Variants in NAALADL2 observed in about 807,000 individuals in gnomAD.
NAALADL2 encodes the protein inactive N-acetylated-alpha-linked acidic dipeptidase-like protein 2.
In NAALADL2, 76 loss-of-function variants were observed where a neutral mutation model predicts 87.2. That is an observed-to-expected ratio of 0.87 (90% CI 0.72 to 1.05). NAALADL2 has a LOEUF of 1.05. Ranked by LOEUF, NAALADL2 falls within the 50% of genes least tolerant of loss-of-function variation. NAALADL2 has a pLI of 0.00. For synonymous variants in NAALADL2, 354 were observed against 331.0 expected (o/e 1.07, Z -0.75); for missense variants, 1,089 against 945.8 (o/e 1.15, Z -1.99).
chr3:175,108,840 A>G (rs1024582671), intron 2 of NAALADL2, among the ~76,000 whole-genome samples: 1 of 151,824 alleles, frequency 6.6e-6, no homozygotes. Context: ...ATTCTATTCC[A>G]TTGGGACAGC....
intron 2 of NAALADL2, among the ~76,000 whole-genome samples, chr3:175,155,318 T>C (rs552044265): frequency 6.6e-6 from 1 of 152,284 alleles, no homozygotes; most frequent in South Asian, 2.1e-4. Context: ...GTGTAACAGC[T>C]GTAGCAGTTG....
intron 3 of NAALADL2, among the ~76,000 whole-genome samples, chr3:175,236,344 G>C (rs1419454474): frequency 6.6e-6 from 1 of 151,836 alleles, no homozygotes; most frequent in Non-Finnish European, 1.5e-5. Context: ...TTAGGAGTTC[G>C]AGACTAGCCT....
chr3:174,900,589 A>T (rs1732186774), intron 1 of NAALADL2, among the ~76,000 whole-genome samples: 1 of 151,998 alleles, frequency 6.6e-6, no homozygotes, highest in South Asian at 2.1e-4. Flanking sequence ...TAATTCATAA[A>T]TAAGCTTTTA....
intron 4 of NAALADL2, among the ~76,000 whole-genome samples, chr3:175,281,671 T>A (rs1754328787): frequency 6.6e-6 from 1 of 151,960 alleles, no homozygotes; most frequent in Non-Finnish European, 1.5e-5. Flanking sequence ...TGCGATTAAA[T>A]TTTTTTCTAG....
At chr3:174,870,182 A>G (rs537129570) in intron 1 of NAALADL2, among the ~76,000 whole-genome samples, 29 of 152,172 alleles carry the variant, frequency 1.9e-4, no homozygotes, top group Non-Finnish European at 3.4e-4. Context: ...TTTATTCTCC[A>G]TTGTGTGATA....
chr3:174,880,822 C>G (rs897634279), intron 1 of NAALADL2, among the ~76,000 whole-genome samples: 1 of 152,078 alleles, frequency 6.6e-6, no homozygotes, highest in Non-Finnish European at 1.5e-5. Context: ...TTCTGAAGGG[C>G]AGAAATCTGA....
At chr3:174,857,739 C>T (rs575488873), upstream of NAALADL2, among the ~76,000 whole-genome samples, 38 of 152,156 alleles carry the variant, frequency 2.5e-4, no homozygotes, top group African/African-American at 9.2e-4. Context: ...GAGCAAACCA[C>T]AACCCAGATT....
Position 174,555,726 on chromosome 3 carries a change from A to G in NAALADL2, c.-115+5089A>G, listed in dbSNP as rs551279870. On this transcript the variant is annotated intron_variant, in intron 2 of 3. Coordinates refer to the NAALADL2 transcript ENST00000434257. ...TGTTCAGATTCTTCTTGGCCTTTCT[A>G]TAAGCCATTCCATCCTTCTGGGTAT... Among the ~76,000 whole-genome samples, 40 of 152,302 alleles carry G rather than the reference A, an allele frequency of 2.6e-4. 1 individual carries two copies. Among genetic ancestry groups the G allele is most frequent in the African/African-American group, 8.7e-4 (36 of 41,558 alleles).
In NAALADL2 at chr3:175,483,425, T is replaced by C. The variant is rs571584756; in HGVS notation, c.1653+11667T>C. ...TAATATTTTTTTCTTATTTTTCTATTTATTTTTCTTCCTTTCAAGGTACTT... is the reference window on the plus strand; with the variant it reads ...TAATATTTTTTTCTTATTTTTCTATCTATTTTTCTTCCTTTCAAGGTACTT... On this transcript the variant is annotated intron_variant, in intron 9 of 13. Transcript: ENST00000454872. Among the ~76,000 whole-genome samples the C allele has an allele frequency of 3.3e-5, 5 of 152,024 alleles. No individual in the cohort carries two copies. The East Asian group carries it at 9.7e-4, about 29-fold the overall frequency.
chr3:174,900,372 TAAAAC>T (rs1175909643), intron 1 of NAALADL2, among the ~76,000 whole-genome samples: 1 of 152,012 alleles, frequency 6.6e-6, no homozygotes, highest in Admixed American at 6.6e-5. Context: ...TAAATAAAAA[TAAAAC>T]AGCATGTTTG....
chr3:175,417,255 T>C (rs984230716), intron 5 of NAALADL2, among the ~76,000 whole-genome samples: 2 of 151,808 alleles, frequency 1.3e-5, no homozygotes, highest in African/African-American at 2.4e-5. Flanking sequence ...AATTAATTAC[T>C]CAGAAGCAGA....
intron 4 of NAALADL2, among the ~76,000 whole-genome samples, chr3:175,259,669 A>G (rs1305548024): frequency 6.6e-6 from 1 of 152,208 alleles, no homozygotes; most frequent in Non-Finnish European, 1.5e-5. Flanking sequence ...GCATTTCTAA[A>G]TGTTCTATAA....
chr3:174,556,291 A>T (rs932420339), intron 2 of NAALADL2, among the ~76,000 whole-genome samples: 3 of 152,100 alleles, frequency 2.0e-5, no homozygotes, highest in Non-Finnish European at 4.4e-5. Flanking sequence ...TTTTATCCTT[A>T]TATGAGTAAA....
chr3:174,729,963 C>A (rs553304861), intron 2 of NAALADL2, among the ~76,000 whole-genome samples: 11 of 152,124 alleles, frequency 7.2e-5, no homozygotes, highest in African/African-American at 2.4e-4. Flanking sequence ...AGGCTCTTGT[C>A]TAATTTTAAA....
chr3:174,786,568 C>A (rs1716704881), intron 3 of NAALADL2, among the ~76,000 whole-genome samples: 1 of 151,790 alleles, frequency 6.6e-6, no homozygotes, highest in African/African-American at 2.4e-5. Context: ...CTTTTCCAGA[C>A]CCTCCACTTT....
At position 174,837,754 on chromosome 3, in the gene NAALADL2, A is replaced by G. The variant is rs868112402; in HGVS notation, c.-9+100008A>G. Among the ~76,000 whole-genome samples the G allele has an allele frequency of 2.0e-5, 3 of 152,166 alleles. No homozygotes were observed. The Middle Eastern group carries it at 0.01, about 518-fold the overall frequency. On this transcript the variant is annotated intron_variant, in intron 3 of 3. Coordinates refer to the NAALADL2 transcript ENST00000434257. ...GGTTGTGGTGGGCTGAGATCATGCCACTGCACTGCAGCCTGGGTGATAGAG... is the reference window on the plus strand; with the variant it reads ...GGTTGTGGTGGGCTGAGATCATGCCGCTGCACTGCAGCCTGGGTGATAGAG...
intron 1 of NAALADL2, among the ~76,000 whole-genome samples, chr3:174,462,400 CCTCT>C (rs1387275202): frequency 1.3e-5 from 2 of 152,086 alleles, no homozygotes; most frequent in African/African-American, 4.8e-5. Flanking sequence ...TAGAGTTTCT[CCTCT>C]CTATGATTAT....
intron 4 of NAALADL2, among the ~76,000 whole-genome samples, chr3:175,276,144 A>AC: frequency 6.6e-6 from 1 of 151,354 alleles, no homozygotes; most frequent in South Asian, 2.1e-4. Flanking sequence ...CATGAAGTAA[A>AC]AAAAAAATTA....
chr3:175,082,602 C>T (rs968617570), intron 1 of NAALADL2, among the ~76,000 whole-genome samples: 3 of 152,076 alleles, frequency 2.0e-5, no homozygotes, highest in African/African-American at 7.2e-5. Flanking sequence ...TTAGTAAAAC[C>T]TAACTTTATT....
Sources: allele counts gnomAD v4.1 joint callset (sites outside exome capture counted in the v4.1 genomes callset), GRCh38; gene constraint gnomAD v4.1.1; transcripts MANE v1.5; gene names NCBI Gene and HGNC (gene_info 2026-07-23, HGNC 2026-07-21).